KCNJ6: variants seen among roughly 807,000 people sequenced by gnomAD.
KCNJ6 encodes G protein-activated inward rectifier potassium channel 2.
In KCNJ6, 9 loss-of-function variants were observed where a neutral mutation model predicts 34.2. The observed-to-expected ratio is 0.26, with a 90% confidence interval of 0.16 to 0.46. The LOEUF is 0.46. Among genes scored for constraint, KCNJ6 ranks in the 20% least tolerant of loss-of-function variants. The probability of loss-of-function intolerance (pLI) is 1.00; values close to 1 mark genes in which losing one functional copy is unlikely to be tolerated. For missense variants in KCNJ6, 236 were observed against 531.3 expected (o/e 0.44, Z 5.46); for synonymous variants, 196 against 207.1 (o/e 0.95, Z 0.46).
intron 1 of KCNJ6, among the ~76,000 whole-genome samples, chr21:37,910,965 AAATG>A (rs1315314873): frequency 2.6e-5 from 4 of 152,250 alleles, no homozygotes; most frequent in African/African-American, 7.2e-5. Flanking sequence ...ACAAATAAAT[AAATG>A]AATATTTACA....
intron 2 of KCNJ6, among the ~76,000 whole-genome samples, chr21:37,830,440 C>T (rs538016234): frequency 6.6e-6 from 1 of 152,246 alleles, no homozygotes; most frequent in East Asian, 1.9e-4. Context: ...GGTGACTTTG[C>T]TCCCCCAGGG....
intron 1 of KCNJ6, among the ~76,000 whole-genome samples, chr21:37,905,435 C>T (rs1206975723): frequency 6.6e-6 from 1 of 152,188 alleles, no homozygotes; most frequent in Non-Finnish European, 1.5e-5. Flanking sequence ...CTGATCAATC[C>T]TCATTGCCAA....
At chr21:37,904,064 T>C (rs2055829890) in intron 1 of KCNJ6, among the ~76,000 whole-genome samples, 1 of 152,252 alleles carries the variant, frequency 6.6e-6, no homozygotes, top group African/African-American at 2.4e-5. Context: ...TTTAATTAAA[T>C]TCTCCTATCC....
At chr21:37,787,489 C>T (rs1475080789) in intron 2 of KCNJ6, among the ~76,000 whole-genome samples, 1 of 152,136 alleles carries the variant, frequency 6.6e-6, no homozygotes, top group Non-Finnish European at 1.5e-5. Context: ...GGCAAGAAAC[C>T]TTATTTTCTT....
chr21:37,891,690 G>C (rs2055762926), intron 1 of KCNJ6, among the ~76,000 whole-genome samples: 1 of 151,858 alleles, frequency 6.6e-6, no homozygotes, highest in Non-Finnish European at 1.5e-5. Flanking sequence ...TGAACTACCA[G>C]ATACCAAGCC....
intron 3 of KCNJ6, among the ~76,000 whole-genome samples, chr21:37,664,709 T>C (rs2054505658): frequency 6.6e-6 from 1 of 151,838 alleles, no homozygotes; most frequent in African/African-American, 2.4e-5. Flanking sequence ...AAATGCTAGA[T>C]GGTGTTTTAC....
intron 3 of KCNJ6, among the ~76,000 whole-genome samples, chr21:37,693,530 T>C (rs577176078): frequency 1.3e-5 from 2 of 152,112 alleles, no homozygotes; most frequent in African/African-American, 4.8e-5. Context: ...CCCTTGGGCC[T>C]CTCTAGCAGG....
In KCNJ6 at chr21:37,690,814, C is replaced by T. The variant is rs1411409065; in HGVS notation, c.946+23397G>A. Among the ~76,000 whole-genome samples, 29 of 141,216 alleles carry T rather than the reference C, an allele frequency of 2.1e-4. No homozygotes were observed. In the East Asian group the frequency reaches 5.9e-3, roughly 29 times the overall value. 92.6% of individuals were successfully genotyped at this position (141,216 alleles called of 152,430 possible). On this transcript the variant is annotated intron_variant, in intron 3 of 3. Transcript: ENST00000609713. ...TTTTTTTTTGAGATAGAGTCTTGCT[C>T]TGTTGCCCAGGCTGGAGTGCAGTGG...
intron 1 of KCNJ6, among the ~76,000 whole-genome samples, chr21:37,877,595 G>A (rs2055685306): frequency 6.7e-6 from 1 of 149,454 alleles, no homozygotes; most frequent in South Asian, 2.2e-4. Context: ...TCTTGGCTAG[G>A]CTAACAGGCC....
intron 2 of KCNJ6, among the ~76,000 whole-genome samples, chr21:37,750,409 A>G (rs1053539814): frequency 3.3e-5 from 5 of 152,222 alleles, no homozygotes; most frequent in Admixed American, 6.5e-5. Context: ...AAATCATTCT[A>G]CTATAAAGAC....
At chr21:37,770,606 A>G (rs931034979) in intron 2 of KCNJ6, among the ~76,000 whole-genome samples, 41 of 152,220 alleles carry the variant, frequency 2.7e-4, no homozygotes, top group African/African-American at 9.9e-4. Flanking sequence ...TGTCCTCTGC[A>G]GGACTGATAA....
intron 1 of KCNJ6, among the ~76,000 whole-genome samples, chr21:37,856,198 A>G (rs953320086): frequency 7.2e-5 from 11 of 152,136 alleles, no homozygotes; most frequent in African/African-American, 2.4e-4. Flanking sequence ...AAATCTCGTA[A>G]TTCTTCTCTC....
At chr21:37,812,264 G>A (rs2055326798) in intron 2 of KCNJ6, among the ~76,000 whole-genome samples, 1 of 152,112 alleles carries the variant, frequency 6.6e-6, no homozygotes, top group Non-Finnish European at 1.5e-5. Flanking sequence ...TGATTCAGGG[G>A]AGTCCCACCT....
At chr21:37,829,659 T>A (rs4817896) in intron 2 of KCNJ6, among the ~76,000 whole-genome samples, 1 of 152,082 alleles carries the variant, frequency 6.6e-6, no homozygotes, top group Admixed American at 6.5e-5. Context: ...TGACTCATGT[T>A]GTGAACAGCT....
At chr21:37,832,327 C>A (rs531683181) in intron 2 of KCNJ6, among the ~76,000 whole-genome samples, 1 of 151,438 alleles carries the variant, frequency 6.6e-6, no homozygotes, top group South Asian at 2.1e-4. Flanking sequence ...GCTTTTGTCC[C>A]GGGGGATAAA....
chr21:37,664,498 T>C (rs552333114), intron 3 of KCNJ6, among the ~76,000 whole-genome samples: 20 of 152,044 alleles, frequency 1.3e-4, no homozygotes, highest in Non-Finnish European at 2.5e-4. Context: ...AATTAAAAAG[T>C]GTGCATAACA....
intron 3 of KCNJ6, among the ~76,000 whole-genome samples, chr21:37,681,841 G>A (rs2054592218): frequency 2.0e-5 from 3 of 152,206 alleles, no homozygotes; most frequent in Admixed American, 2.0e-4. Flanking sequence ...CCTCTGAGTA[G>A]TAACCTTGGT....
At chr21:37,756,163 C>T (rs538069907) in intron 2 of KCNJ6, among the ~76,000 whole-genome samples, 2 of 152,302 alleles carry the variant, frequency 1.3e-5, no homozygotes, top group East Asian at 1.9e-4. Context: ...AGCTCCTAGC[C>T]CTTGATTCAG....
chr21:37,848,287 C>T (rs1267614246), intron 1 of KCNJ6, among the ~76,000 whole-genome samples: 1 of 152,196 alleles, frequency 6.6e-6, no homozygotes, highest in Non-Finnish European at 1.5e-5. Flanking sequence ...AAGAACTTGC[C>T]TATCAGGATG....
Sources: gnomAD v4.1 joint callset for allele counts (sites outside exome capture counted in the v4.1 genomes callset) on GRCh38, gnomAD v4.1.1 for gene constraint, MANE v1.5 for transcripts, NCBI Gene and HGNC (gene_info 2026-07-23, HGNC 2026-07-21) for gene names.